Variants in SETBP1 observed in about 807,000 individuals in gnomAD.
SETBP1 encodes the protein SET binding protein 1.
SETBP1 carries 9 observed loss-of-function variants against 101.0 expected under a neutral mutation model. The ratio of observed to expected loss-of-function variants is 0.09; its 90% confidence interval spans 0.05 to 0.16. The LOEUF is 0.16. SETBP1 is among the 10% of genes least tolerant of loss of function. The pLI, the probability that SETBP1 is intolerant of heterozygous loss-of-function variation, is 1.00. For missense variants in SETBP1, 1,858 were observed against 2,033.8 expected (o/e 0.91, Z 1.66); for synonymous variants, 818 against 788.5 (o/e 1.04, Z -0.63).
intron 1 of SETBP1, among the ~76,000 whole-genome samples, chr18:44,685,293 C>G (rs1175081403): frequency 6.6e-6 from 1 of 152,216 alleles, no homozygotes. Context: ...CTTTTCCCAC[C>G]AAAAATACCC....
chr18:44,859,851 T>C (rs1006911042), intron 2 of SETBP1, among the ~76,000 whole-genome samples: 1 of 152,248 alleles, frequency 6.6e-6, no homozygotes, highest in Non-Finnish European at 1.5e-5. Flanking sequence ...GTTCAGTTCA[T>C]TGAGTTCTGC....
chr18:44,823,619 A>G (rs1341078166), intron 2 of SETBP1, among the ~76,000 whole-genome samples: 1 of 152,216 alleles, frequency 6.6e-6, no homozygotes, highest in East Asian at 1.9e-4. Context: ...TGCTCAGGTC[A>G]AGGAAGTTCA....
At chr18:44,882,096 A>G (rs970394129) in intron 3 of SETBP1, among the ~76,000 whole-genome samples, 7 of 152,126 alleles carry the variant, frequency 4.6e-5, no homozygotes, top group Admixed American at 3.9e-4. Context: ...TGTCAAACAT[A>G]CAGATCATTT....
chr18:44,792,406 G>A (rs1469942602), intron 2 of SETBP1, among the ~76,000 whole-genome samples: 1 of 152,172 alleles, frequency 6.6e-6, no homozygotes, highest in Non-Finnish European at 1.5e-5. Flanking sequence ...TAAGGTAAAC[G>A]TGTCTGTTGC....
intron 2 of SETBP1, among the ~76,000 whole-genome samples, chr18:44,752,062 AC>A (rs1267026249): frequency 1.3e-5 from 2 of 152,226 alleles, no homozygotes; most frequent in Non-Finnish European, 2.9e-5. Flanking sequence ...ATGGATTTCA[AC>A]ATACGGATTC....
At chr18:44,982,170 CT>C (rs2072128698) in intron 4 of SETBP1, among the ~76,000 whole-genome samples, 1 of 152,208 alleles carries the variant, frequency 6.6e-6, no homozygotes, top group Non-Finnish European at 1.5e-5. Context: ...ATAAATGACA[CT>C]TCCAATAACA....
intron 3 of SETBP1, among the ~76,000 whole-genome samples, chr18:44,924,015 T>G (rs16978233): frequency 0.036 from 5,420 of 152,232 alleles, 297 homozygotes; most frequent in African/African-American, 0.12. Flanking sequence ...AGTCCGTTTT[T>G]TTTTCCTTCT....
chr18:44,791,767 G>A (rs910047235), intron 2 of SETBP1, among the ~76,000 whole-genome samples: 13 of 152,122 alleles, frequency 8.5e-5, no homozygotes, highest in East Asian at 1.9e-4. Context: ...GTGAGAGAGC[G>A]CTTACAAACG....
chr18:44,912,824 C>G (rs2070344417), intron 3 of SETBP1, among the ~76,000 whole-genome samples: 1 of 152,210 alleles, frequency 6.6e-6, no homozygotes, highest in Admixed American at 6.5e-5. Context: ...TTTCTGCTCT[C>G]TCCCTTCCTT....
At chr18:45,058,932 G>A (rs949954812) in intron 5 of SETBP1, among the ~76,000 whole-genome samples, 2 of 152,166 alleles carry the variant, frequency 1.3e-5, no homozygotes, top group Non-Finnish European at 2.9e-5. Context: ...GATGGTGGAT[G>A]CATGACCTTC....
chr18:44,949,118 A>G (rs924978725), intron 3 of SETBP1, among the ~76,000 whole-genome samples: 1 of 152,256 alleles, frequency 6.6e-6, no homozygotes, highest in Non-Finnish European at 1.5e-5. Context: ...CCCCAAACAG[A>G]GCAACATTCC....
At chr18:44,729,895 C>T (rs1185795744) in intron 2 of SETBP1, among the ~76,000 whole-genome samples, 2 of 152,190 alleles carry the variant, frequency 1.3e-5, no homozygotes, top group African/African-American at 4.8e-5. Context: ...GCTTTTGCAC[C>T]GCAGGGTCAC....
At chr18:44,925,006 A>AGTTTT (rs1301155902) in intron 3 of SETBP1, among the ~76,000 whole-genome samples, 5 of 51,952 alleles carry the variant, frequency 9.6e-5, no homozygotes, top group African/African-American at 3.2e-4. Context: ...ATCCTGTGTG[A>AGTTTT]GTTTTTTTTT....
intron 3 of SETBP1, among the ~76,000 whole-genome samples, chr18:44,886,754 TTTATTATTATTATTATTA>T (rs4024294): frequency 1.4e-5 from 2 of 143,102 alleles, no homozygotes; most frequent in African/African-American, 2.6e-5. Flanking sequence ...GACTGTACAT[TTTATTATTATTATTATTA>T]TTATTATTAT....
chr18:45,062,009 T>G (rs942487933), intron 5 of SETBP1, among the ~76,000 whole-genome samples: 3 of 152,036 alleles, frequency 2.0e-5, no homozygotes, highest in Non-Finnish European at 2.9e-5. Context: ...TCTGTGTGAG[T>G]GTATGTGCCC....
chr18:44,897,399 G>A (rs2069932041), intron 3 of SETBP1, among the ~76,000 whole-genome samples: 2 of 151,896 alleles, frequency 1.3e-5, no homozygotes, highest in Admixed American at 1.3e-4. Context: ...CATGTGAGTC[G>A]AACATATGGA....
intron 4 of SETBP1, among the ~76,000 whole-genome samples, chr18:44,972,173 A>T (rs1030467195): frequency 1.3e-5 from 2 of 152,144 alleles, no homozygotes; most frequent in Non-Finnish European, 2.9e-5. Flanking sequence ...TTTGTCAAAG[A>T]TCAGATAGTT....
chr18:44,998,281 G>C (rs2072541360), intron 4 of SETBP1, among the ~76,000 whole-genome samples: 1 of 152,246 alleles, frequency 6.6e-6, no homozygotes, highest in Non-Finnish European at 1.5e-5. Flanking sequence ...GAAAACACCT[G>C]AGTGGGGTGG....
At chr18:44,760,734 A>T (rs1209519203) in intron 2 of SETBP1, among the ~76,000 whole-genome samples, 1 of 152,208 alleles carries the variant, frequency 6.6e-6, no homozygotes, top group East Asian at 1.9e-4. Flanking sequence ...ATTTTTTTAT[A>T]AGATGGGTAT....
Sources: allele counts gnomAD v4.1 joint callset (sites outside exome capture counted in the v4.1 genomes callset), GRCh38; gene constraint gnomAD v4.1.1; transcripts MANE v1.5; gene names NCBI Gene and HGNC (gene_info 2026-07-23, HGNC 2026-07-21).